The following HUNK variants were observed in gnomAD, a reference collection of about 807,000 sequenced individuals.
HUNK encodes the protein hormonally up-regulated neu tumor-associated kinase.
Under a neutral mutation model 61.0 loss-of-function variants are expected in HUNK, and 21 were observed. That is an observed-to-expected ratio of 0.34 (90% CI 0.24 to 0.50). HUNK has a LOEUF of 0.50. HUNK is among the 20% of genes least tolerant of loss of function. The probability of loss-of-function intolerance (pLI) is 0.98; values close to 1 mark genes in which losing one functional copy is unlikely to be tolerated. For missense variants in HUNK, 772 were observed against 945.7 expected, an observed-to-expected ratio of 0.82 and a Z score of 2.41; for synonymous variants, 371 against 386.1, an observed-to-expected ratio of 0.96 and a Z score of 0.46.
chr21:31,983,099 AG>A (rs1741176663), intron 7 of HUNK, among the ~76,000 whole-genome samples: 1 of 152,226 alleles, frequency 6.6e-6, no homozygotes, highest in Non-Finnish European at 1.5e-5. Flanking sequence ...CACTGCACCC[AG>A]CCGTGTGCTG....
chr21:31,893,763 T>A (rs2052407292), intron 1 of HUNK, among the ~76,000 whole-genome samples: 1 of 152,244 alleles, frequency 6.6e-6, no homozygotes, highest in African/African-American at 2.4e-5. Flanking sequence ...TAATTCTCCA[T>A]GTTTTTGATC....
At chr21:31,990,814 G>A (rs2053167693) in intron 9 of HUNK, among the ~76,000 whole-genome samples, 1 of 152,152 alleles carries the variant, frequency 6.6e-6, no homozygotes, top group Admixed American at 6.5e-5. Context: ...AGGATTATAG[G>A]TGTGAGCCAC....
chr21:31,964,489 G>C (rs181792609), intron 5 of HUNK, among the ~76,000 whole-genome samples: 1 of 152,318 alleles, frequency 6.6e-6, no homozygotes, highest in East Asian at 1.9e-4. Flanking sequence ...AAGGTGTTCT[G>C]TGTGTTACGT....
intron 1 of HUNK, among the ~76,000 whole-genome samples, chr21:31,896,293 G>A (rs9978073): frequency 0.68 from 102,661 of 152,050 alleles, 35,014 homozygotes; most frequent in Middle Eastern, 0.78. Context: ...AGCTAAGGTC[G>A]GCTTCAGGAA....
chr21:31,930,928 G>C (rs899023662), intron 2 of HUNK, among the ~76,000 whole-genome samples: 1 of 151,680 alleles, frequency 6.6e-6, no homozygotes, highest in African/African-American at 2.4e-5. Context: ...ACTCAATAAA[G>C]GTTTCATTTT....
chr21:31,906,167 G>A (rs2052503884), intron 1 of HUNK, among the ~76,000 whole-genome samples: 1 of 152,058 alleles, frequency 6.6e-6, no homozygotes. Flanking sequence ...TTAATGGATG[G>A]TCACTATGTG....
At chr21:31,970,011 T>C (rs2052999153) in intron 6 of HUNK, among the ~76,000 whole-genome samples, 1 of 152,200 alleles carries the variant, frequency 6.6e-6, no homozygotes, top group Non-Finnish European at 1.5e-5. Flanking sequence ...CCCACCTTCC[T>C]TCTTCCTTCA....
chr21:31,999,960 A>T lies in HUNK; in HGVS notation c.*776A>T. On this transcript the variant is annotated 3_prime_UTR_variant, in exon 11 of 11. Coordinates refer to ENST00000270112, the MANE Select transcript of HUNK (RefSeq NM_014586.2). The stretch of plus-strand genomic sequence containing the variant: ...GAGAGATGAGAAGCAATTCCACCAA[A>T]CTCATGTTTTCACAGGAGGGTTCAG... The T allele has an allele frequency of 2.5e-6, 1 of 395,096 alleles. No individual in the cohort carries two copies. The allele number at this position is 395,096 out of a possible 1,614,324, so 24.5% of individuals were successfully genotyped here. A position where few individuals can be genotyped will look rare whatever the true frequency, so the allele number is the denominator to read the frequency against.
In HUNK at chr21:31,904,043, C is replaced by T. The variant is rs529594686; in HGVS notation, c.262-20425C>T. Among the ~76,000 whole-genome samples, 15 of 152,124 alleles carry T rather than the reference C, an allele frequency of 9.9e-5. No individual in the cohort carries two copies. In the South Asian group the frequency reaches 2.9e-3, roughly 30 times the overall value. On this transcript the variant is annotated intron_variant, in intron 1 of 10. Coordinates refer to ENST00000270112, the MANE Select transcript of HUNK (RefSeq NM_014586.2). ...ATTTCTCATCCAGTAGTTACAGTTA[C>T]TGCAAGAGTTTAAGTACCTCTTCAT...
intron 1 of HUNK, among the ~76,000 whole-genome samples, chr21:31,888,361 T>C (rs150203648): frequency 6.6e-6 from 1 of 152,200 alleles, no homozygotes; most frequent in African/African-American, 2.4e-5. Flanking sequence ...TCCCAGGGAC[T>C]GAGAGGTGCT....
At chr21:31,892,148 T>TAAAAAA (rs748197431) in intron 1 of HUNK, among the ~76,000 whole-genome samples, 1 of 93,034 alleles carries the variant, frequency 1.1e-5, no homozygotes, top group African/African-American at 4.3e-5. Context: ...AGAATTTGGT[T>TAAAAAA]AAAAAAAAAA....
At chr21:31,889,211 G>A (rs982051057) in intron 1 of HUNK, among the ~76,000 whole-genome samples, 1 of 152,200 alleles carries the variant, frequency 6.6e-6, no homozygotes, top group African/African-American at 2.4e-5. Context: ...TTATGCTGAC[G>A]ATTTGGAGGC....
chr21:31,948,271 A>T (rs918098124), intron 4 of HUNK, among the ~76,000 whole-genome samples: 1 of 152,164 alleles, frequency 6.6e-6, no homozygotes, highest in African/African-American at 2.4e-5. Flanking sequence ...TCTCTGGCTA[A>T]CCTGGCATTG....
intron 1 of HUNK, among the ~76,000 whole-genome samples, chr21:31,887,187 A>G (rs1468942333): frequency 6.6e-6 from 1 of 152,166 alleles, no homozygotes; most frequent in Admixed American, 6.5e-5. Context: ...TTAGGCACCT[A>G]GGTATCTGAG....
rs2052764695 is a variant in HUNK at position 31,940,936 on chromosome 21, T to C, written c.610+716T>C. 2.6e-5 allele frequency among the ~76,000 whole-genome samples: 4 copies of C among 152,208 alleles called. No homozygotes were observed. The South Asian group carries it at 8.3e-4, about 31-fold the overall frequency. ...TCAGATGCAAGTAATTTCTTTTACC[T>C]CAATGGCTTGAAAAGACTTTATATG... is the stretch of plus-strand genomic sequence containing the variant. On this transcript the variant is annotated intron_variant, in intron 3 of 10. Transcript: ENST00000270112.
chr21:31,957,693 TAAG>T (rs1294590078), intron 4 of HUNK, among the ~76,000 whole-genome samples: 4 of 152,190 alleles, frequency 2.6e-5, no homozygotes, highest in African/African-American at 7.2e-5. Context: ...AAAGATCCTC[TAAG>T]AAGATGTTTC....
chr21:32,002,799 G>A lies in HUNK; in HGVS notation c.*3615G>A, dbSNP rs2123268994. The stretch of plus-strand genomic sequence containing the variant: ...CATATATACCACCTTGTTTCCCCTG[G>A]GAAGTGAGGGGACGAAGCCTTAGAG... On this transcript the variant is annotated 3_prime_UTR_variant, in exon 11 of 11. Coordinates refer to ENST00000270112, the MANE Select transcript of HUNK (RefSeq NM_014586.2). The A allele has an allele frequency of 6.6e-6, 1 of 152,264 alleles. No individual in the cohort carries two copies. The highest frequency in any genetic ancestry group is 6.5e-5 in the Admixed American group (1 of 15,278). 9.4% of individuals were successfully genotyped at this position (152,264 alleles called of 1,614,324 possible).
rs150316453 is a variant in HUNK at position 32,000,381 on chromosome 21, A to T, written c.*1197A>T. On this transcript the variant is annotated 3_prime_UTR_variant, in exon 11 of 11. Transcript: ENST00000270112. ...GGTTCAGTCCACGTTGTGTTTTCAC[A>T]CCTTTCTCCAAGGATCGAACCAAAG... 1.0e-5 allele frequency: 4 copies of T among 399,092 alleles called. No homozygotes were observed. In the East Asian group the frequency reaches 1.4e-4, roughly 14 times the overall value. 24.7% of individuals were successfully genotyped at this position (399,092 alleles called of 1,614,324 possible).
intron 1 of HUNK, among the ~76,000 whole-genome samples, chr21:31,883,854 G>A (rs1049712982): frequency 6.6e-6 from 1 of 152,078 alleles, no homozygotes; most frequent in Non-Finnish European, 1.5e-5. Context: ...TGAGGGTTTG[G>A]GTCACCTTGG....
Sources: allele counts gnomAD v4.1 joint callset (sites outside exome capture counted in the v4.1 genomes callset), GRCh38; gene constraint gnomAD v4.1.1; transcripts MANE v1.5; gene names NCBI Gene and HGNC (gene_info 2026-07-23, HGNC 2026-07-21).